Variants in BCL2L13 observed in about 807,000 individuals in gnomAD.
The protein encoded by BCL2L13 is BCL2 like 13, also known as bcl-2-like protein 13.
In BCL2L13, 13 loss-of-function variants were observed where a neutral mutation model predicts 25.8. The ratio of observed to expected loss-of-function variants is 0.50; its 90% CI spans 0.33 to 0.80. BCL2L13 has a LOEUF of 0.80. Among genes scored for constraint, BCL2L13 ranks in the 30% least tolerant of loss-of-function variants. BCL2L13 has a pLI of 0.02. For missense variants in BCL2L13, 504 were observed against 574.9 expected, an observed-to-expected ratio of 0.88 and a Z score of 1.26; for synonymous variants, 244 against 230.3, an observed-to-expected ratio of 1.06 and a Z score of -0.54.
chr22:17,635,623 C>T (rs917822763), upstream of BCL2L13, among the ~76,000 whole-genome samples: 3 of 152,064 alleles, frequency 2.0e-5, no homozygotes, highest in Non-Finnish European at 4.4e-5. Context: ...AAAGGGAAGG[C>T]CAGGAACTTT....
intron 6 of BCL2L13, among the ~76,000 whole-genome samples, chr22:17,710,067 T>TAAAAAA (rs71201876): frequency 3.6e-4 from 33 of 91,804 alleles, no homozygotes; most frequent in African/African-American, 1.4e-3. Context: ...GACCTTGTCT[T>TAAAAAA]AAAAAAAAAA....
chr22:17,721,199 G>A (rs1227669159), intron 6 of BCL2L13, among the ~76,000 whole-genome samples: 5 of 151,712 alleles, frequency 3.3e-5, no homozygotes, highest in Admixed American at 2.6e-4. Context: ...ATATTTCCAC[G>A]TGCCCCACGC....
chr22:17,709,219 G>A (rs1001582466), intron 6 of BCL2L13, among the ~76,000 whole-genome samples: 1 of 151,432 alleles, frequency 6.6e-6, no homozygotes, highest in Admixed American at 6.6e-5. Flanking sequence ...CTGGGCGACA[G>A]AGTGAGACTC....
intron 6 of BCL2L13, among the ~76,000 whole-genome samples, chr22:17,725,092 A>G (rs1056055450): frequency 9.2e-5 from 14 of 152,170 alleles, no homozygotes; most frequent in Non-Finnish European, 1.9e-4. Flanking sequence ...GTAGGGCTTT[A>G]TTGCTTTCAC....
At chr22:17,681,901 T>A (rs1419907359) in intron 2 of BCL2L13, among the ~76,000 whole-genome samples, 1 of 152,186 alleles carries the variant, frequency 6.6e-6, no homozygotes, top group Non-Finnish European at 1.5e-5. Flanking sequence ...AAACTGAGGA[T>A]AATAGTAATA....
chr22:17,633,995 TTTCAGTTTTTTTGAAAACATCTA>T (rs1317913364), upstream of BCL2L13, among the ~76,000 whole-genome samples: 1 of 151,996 alleles, frequency 6.6e-6, no homozygotes, highest in Non-Finnish European at 1.5e-5. Context: ...ACTGGTTGCC[TTTCAGTTTTTTTGAAAACATCTA>T]TTTTTCTGCT....
At position 17,726,752 on chromosome 22, in the gene BCL2L13, A is replaced by G. The variant is rs777222596; in HGVS notation, c.676A>G (p.Ile226Val). The change falls in exon 7 of 7, where the codon ATC becomes GTC. Residue 226 changes from isoleucine to valine, a missense_variant. By Grantham distance (29) the Ile-to-Val change is conservative. Coordinates refer to ENST00000317582, the MANE Select transcript of BCL2L13 (RefSeq NM_015367.4). ...TGCAGAAGATAGCAATGACATTTAC[A>G]TCCTGCCCAGCGACAACTCTGGACA... ...ITAEDSNDIY[I>V]LPSDNSGQVS... 11 of 1,614,200 alleles carry G rather than the reference A, an allele frequency of 6.8e-6. No individual in the cohort carries two copies. The highest frequency in any genetic ancestry group is 5.0e-5 in the Admixed American group (3 of 60,014).
At chr22:17,636,183 G>C (rs1257377191), upstream of BCL2L13, among the ~76,000 whole-genome samples, 1 of 151,792 alleles carries the variant, frequency 6.6e-6, no homozygotes, top group Non-Finnish European at 1.5e-5. Context: ...ATGTAGCCAG[G>C]CATAGTGGTG....
chr22:17,684,670 T>A (rs1241761342), intron 3 of BCL2L13: 7 of 452,120 alleles, frequency 1.5e-5, no homozygotes, highest in Non-Finnish European at 1.8e-5. Flanking sequence ...TTCAAATGAT[T>A]CTCCTGTCTC....
At chr22:17,645,325 G>A (rs1330852320) in intron 1 of BCL2L13, among the ~76,000 whole-genome samples, 2 of 145,202 alleles carry the variant, frequency 1.4e-5, no homozygotes, top group Non-Finnish European at 3.0e-5. Context: ...CGGTTCAAGC[G>A]ATTCTCATGC....
chr22:17,659,295 C>T (rs1302390713), intron 2 of BCL2L13, among the ~76,000 whole-genome samples: 1 of 145,422 alleles, frequency 6.9e-6, no homozygotes, highest in Admixed American at 6.9e-5. Flanking sequence ...ACCTGGGAAG[C>T]AGAGGTTGCA....
chr22:17,681,726 G>T (rs575931719), intron 2 of BCL2L13, among the ~76,000 whole-genome samples: 3 of 152,194 alleles, frequency 2.0e-5, no homozygotes, highest in Admixed American at 2.0e-4. Context: ...GGACTTTGGG[G>T]TGTTTGATTT....
chr22:17,693,538 C>T (rs753846109), intron 4 of BCL2L13, among the ~76,000 whole-genome samples: 3 of 151,826 alleles, frequency 2.0e-5, no homozygotes, highest in Non-Finnish European at 4.4e-5. Context: ...CGCCAACACG[C>T]GCAGCTAATT....
intron 4 of BCL2L13, among the ~76,000 whole-genome samples, chr22:17,690,360 C>G (rs1601676259): frequency 6.6e-6 from 1 of 152,092 alleles, no homozygotes. Flanking sequence ...TTCCTGTAAG[C>G]AAAGTATATA....
At chr22:17,702,112 A>G in intron 5 of BCL2L13, 131 bp from the exon 6 acceptor site, 1 of 733,638 alleles carries the variant, frequency 1.4e-6, no homozygotes, top group Middle Eastern at 3.3e-4. Flanking sequence ...TTACTGTTTT[A>G]TTTCCTTTAT....
At chr22:17,679,288 T>G (rs796165734) in intron 2 of BCL2L13, among the ~76,000 whole-genome samples, 38 of 71,228 alleles carry the variant, frequency 5.3e-4, no homozygotes, top group African/African-American at 1.9e-3. Flanking sequence ...TTTTTTTTTT[T>G]GAGACAGTTT....
chr22:17,719,722 A>C (rs186386283), intron 6 of BCL2L13, among the ~76,000 whole-genome samples: 1 of 151,442 alleles, frequency 6.6e-6, no homozygotes, highest in Non-Finnish European at 1.5e-5. Context: ...CCAGCTACTC[A>C]GGAGGCTGAG....
upstream of BCL2L13, chr22:17,638,167 T>A (rs2058145870): frequency 6.6e-6 from 1 of 152,546 alleles, no homozygotes; most frequent in African/African-American, 2.4e-5. Flanking sequence ...TAATACAAGT[T>A]AAGTATGTTC....
chr22:17,663,840 C>T (rs569436641), intron 2 of BCL2L13, among the ~76,000 whole-genome samples: 7 of 145,904 alleles, frequency 4.8e-5, no homozygotes, highest in Admixed American at 3.4e-4. Flanking sequence ...ATGCTTGCCA[C>T]CACGCCTGGC....
Sources: allele counts gnomAD v4.1 joint callset (sites outside exome capture counted in the v4.1 genomes callset), GRCh38; gene constraint gnomAD v4.1.1; transcripts MANE v1.5; gene names NCBI Gene and HGNC (gene_info 2026-07-23, HGNC 2026-07-21).